Variants in LAMA3 observed in about 807,000 individuals in gnomAD.
The protein encoded by LAMA3 is laminin subunit alpha-3.
Under a neutral mutation model 402.0 loss-of-function variants are expected in LAMA3, and 281 were observed. That is an observed-to-expected ratio of 0.70 (90% CI 0.63 to 0.77). The LOEUF is 0.77. Ranked by LOEUF, LAMA3 falls within the 30% of genes least tolerant of loss-of-function variation. The pLI is 0.00. For synonymous variants in LAMA3, 1,431 were observed against 1,558.4 expected (o/e 0.92, Z 1.93); for missense variants, 3,840 against 4,215.5 (o/e 0.91, Z 2.47).
chr18:23,717,634 C>A (rs913363774), intron 2 of LAMA3, among the ~76,000 whole-genome samples: 1 of 139,632 alleles, frequency 7.2e-6, no homozygotes, highest in Non-Finnish European at 1.5e-5. Context: ...CTCACTGCAA[C>A]CTCCGTCTCC....
In LAMA3 at chr18:23,777,467, G is replaced by A. The variant is rs2062346823; in HGVS notation, c.1406-90G>A. 9.1e-6 allele frequency: 8 copies of A among 875,042 alleles called. No individual in the cohort carries two copies. In the Admixed American group the frequency reaches 1.2e-4, roughly 13 times the overall value. 54.2% of individuals were successfully genotyped at this position (875,042 alleles called of 1,614,324 possible). A position where few individuals can be genotyped will look rare whatever the true frequency, so the allele number is the denominator to read the frequency against. On this transcript the variant is annotated intron_variant, in intron 10 of 74. Transcript: ENST00000313654. ...ATATGCTACTTTTCACTAAGTGACA[G>A]AGGGTGTCTTCCTAGTTAGTACAAC...
chr18:23,869,821 C>A (rs576779193), intron 37 of LAMA3, among the ~76,000 whole-genome samples: 4 of 152,294 alleles, frequency 2.6e-5, no homozygotes, highest in African/African-American at 9.6e-5. Context: ...GTAATTCCAG[C>A]ACTTTGGGAG....
At position 23,775,791 on chromosome 18, in the gene LAMA3, G is replaced by A; in HGVS notation, c.1274-1G>A. Reference sequence around the variant, plus strand: ...CCTTTGAAAACTGGGATTTCTCTTAGCCTGCAGCTGTGACCCTGAGCATGC... The same window carrying A: ...CCTTTGAAAACTGGGATTTCTCTTAACCTGCAGCTGTGACCCTGAGCATGC... On this transcript the variant is annotated splice_acceptor_variant, in intron 9 of 74. Coordinates refer to ENST00000313654, the MANE Select transcript of LAMA3 (RefSeq NM_198129.4). LOFTEE classifies it high-confidence loss of function. 1.2e-6 allele frequency: 2 copies of A among 1,613,984 alleles called. No individual in the cohort carries two copies. The highest frequency in any genetic ancestry group is 1.7e-6 in the Non-Finnish European group (2 of 1,179,868).
chr18:23,780,838 G>A (rs928745277), intron 11 of LAMA3, among the ~76,000 whole-genome samples: 1 of 152,200 alleles, frequency 6.6e-6, no homozygotes, highest in African/African-American at 2.4e-5. Context: ...ATTCTGTCCT[G>A]CAGGCATTGG....
At chr18:23,794,834 T>A (rs1444873146) in intron 12 of LAMA3, among the ~76,000 whole-genome samples, 2 of 152,220 alleles carry the variant, frequency 1.3e-5, no homozygotes, top group African/African-American at 4.8e-5. Context: ...GATTTTGATT[T>A]GTTTCTAGGG....
chr18:23,930,821 G>A (rs764841698), intron 64 of LAMA3, among the ~76,000 whole-genome samples: 5 of 152,112 alleles, frequency 3.3e-5, no homozygotes, highest in African/African-American at 4.8e-5. Context: ...ATGAATGTAG[G>A]TCCAAAAAAT....
At chr18:23,750,832 G>A (rs1483093647) in intron 4 of LAMA3, 86 bp from the exon 5 acceptor site, 27 of 1,420,228 alleles carry the variant, frequency 1.9e-5, no homozygotes, top group Non-Finnish European at 2.5e-5. Flanking sequence ...AAGTGCCTTG[G>A]GGCATGTGAG....
intron 2 of LAMA3, among the ~76,000 whole-genome samples, chr18:23,734,365 C>G (rs990804832): frequency 5.3e-5 from 8 of 152,228 alleles, no homozygotes; most frequent in Non-Finnish European, 1.0e-4. Context: ...AATACAGCCT[C>G]CATCAGTTTG....
At chr18:23,734,865 G>A (rs1277527797) in intron 2 of LAMA3, among the ~76,000 whole-genome samples, 2 of 152,184 alleles carry the variant, frequency 1.3e-5, no homozygotes, top group Non-Finnish European at 2.9e-5. Context: ...GCAGAGCTGT[G>A]GGATCTGGAC....
In LAMA3 at chr18:23,775,924, G is replaced by A; in HGVS notation, c.1405+1G>A. The A allele has an allele frequency of 6.2e-7, 1 of 1,614,136 alleles. No homozygotes were observed. Among genetic ancestry groups the A allele is most frequent in the Non-Finnish European group, 8.5e-7 (1 of 1,180,022 alleles). ...TACTACAATTTCCCATTTTGCTTGA[G>A]TAAGTACCCACTGCAGAACAAGAGG... is the stretch of plus-strand genomic sequence containing the variant. On this transcript the variant is annotated splice_donor_variant, in intron 10 of 74. Coordinates refer to ENST00000313654, the MANE Select transcript of LAMA3 (RefSeq NM_198129.4). LOFTEE classifies it high-confidence loss of function.
At position 23,758,426 on chromosome 18, in the gene LAMA3, T is replaced by G. The variant is rs1251646098; in HGVS notation, c.978T>G (p.Cys326Trp). The G allele has an allele frequency of 6.2e-7, 1 of 1,614,134 alleles. No homozygotes were observed. Among genetic ancestry groups the G allele is most frequent in the Middle Eastern group, 1.6e-4 (1 of 6,062 alleles). The stretch of plus-strand genomic sequence containing the variant: ...GGTGTGAATGCCAGCACCACACCTG[T>G]GGGGAGACGTGTGATCGCTGCTGCA... ...LFRCECQHHT[C>W]GETCDRCCTG... is the part of the protein sequence containing the mutation. Residue 326 changes from cysteine to tryptophan, a missense_variant, in exon 7 of 75, where the codon TGT becomes TGG. By Grantham distance (215) the Cys-to-Trp change is radical. This residue lies in a region of LAMA3 where 2,109 missense variants were observed against 2,376.0 expected (regional missense o/e 0.89). Transcript: ENST00000313654.
chr18:23,751,155 C>T (rs573666842), intron 5 of LAMA3, 67 bp downstream of exon 5: 1 of 1,497,048 alleles, frequency 6.7e-7, no homozygotes, highest in South Asian at 1.1e-5. Context: ...AAATTAATTG[C>T]CTTGAACTCT....
intron 12 of LAMA3, among the ~76,000 whole-genome samples, 156 bp from the exon 13 acceptor site, chr18:23,810,210 G>A (rs942982579): frequency 6.6e-6 from 1 of 152,228 alleles, no homozygotes; most frequent in Non-Finnish European, 1.5e-5. Context: ...GAGCAGTTGA[G>A]TGGCTTGTTT....
At chr18:23,703,854 G>A (rs2060835973) in intron 1 of LAMA3, among the ~76,000 whole-genome samples, 1 of 152,168 alleles carries the variant, frequency 6.6e-6, no homozygotes, top group African/African-American at 2.4e-5. Flanking sequence ...ATACGTTCAG[G>A]AAATTCACAG....
At chr18:23,734,388 A>G (rs1335285779) in intron 2 of LAMA3, among the ~76,000 whole-genome samples, 1 of 152,184 alleles carries the variant, frequency 6.6e-6, no homozygotes, top group Admixed American at 6.5e-5. Flanking sequence ...TCCTTGGGTG[A>G]GAAGAGCATG....
chr18:23,723,419 T>C (rs1480595220), intron 2 of LAMA3, among the ~76,000 whole-genome samples: 1 of 152,200 alleles, frequency 6.6e-6, no homozygotes, highest in Non-Finnish European at 1.5e-5. Context: ...ACACAACATG[T>C]GTCTGTGCTA....
intron 23 of LAMA3, among the ~76,000 whole-genome samples, 174 bp downstream of exon 23, chr18:23,827,641 T>C (rs1479033228): frequency 6.6e-6 from 1 of 152,206 alleles, no homozygotes; most frequent in Admixed American, 6.5e-5. Flanking sequence ...GATGGTACGC[T>C]ACATGGAGCC....
chr18:23,817,192 G>C (rs1348084234), intron 18 of LAMA3, among the ~76,000 whole-genome samples: 1 of 152,034 alleles, frequency 6.6e-6, no homozygotes, highest in East Asian at 1.9e-4. Context: ...ATTGAGACTG[G>C]GGAACTATAG....
chr18:23,903,898 A>G (rs1214151633), intron 49 of LAMA3, 35 bp from the exon 50 acceptor site: 3 of 1,560,234 alleles, frequency 1.9e-6, no homozygotes, highest in Middle Eastern at 2.1e-4. Context: ...TCTTTCCTTG[A>G]ATTTATACTG....
Sources: allele counts gnomAD v4.1 joint callset (sites outside exome capture counted in the v4.1 genomes callset), GRCh38; gene constraint gnomAD v4.1.1; regional missense constraint gnomAD v4.1.1; transcripts MANE v1.5; gene names NCBI Gene and HGNC (gene_info 2026-07-23, HGNC 2026-07-21).